Variants in MYL1 observed in about 807,000 individuals in gnomAD.
MYL1 encodes myosin light chain 1.
Under a neutral mutation model 21.8 loss-of-function variants are expected in MYL1, and 16 were observed. The observed-to-expected ratio is 0.74, with a 90% CI of 0.50 to 1.12. The LOEUF (loss-of-function observed/expected upper bound fraction) is 1.12. Ranked by LOEUF, MYL1 falls within the 50% of genes most tolerant of loss-of-function variation. The pLI is 0.00. For missense variants in MYL1, 246 were observed against 241.0 expected (o/e 1.02, Z -0.14); for synonymous variants, 99 against 85.2 (o/e 1.16, Z -0.89).
chr2:210,308,461 T>C (rs995343942), intron 1 of MYL1, among the ~76,000 whole-genome samples: 2 of 138,014 alleles, frequency 1.4e-5, no homozygotes, highest in Non-Finnish European at 3.1e-5. Context: ...TATAATATGG[T>C]ATAAACAGGG....
chr2:210,293,823 T>C (rs1432979052), intron 4 of MYL1, 23 bp from the exon 5 acceptor site: 4 of 1,609,658 alleles, frequency 2.5e-6, no homozygotes, highest in Non-Finnish European at 3.4e-6. Flanking sequence ...AACTCTCCTT[T>C]CAGAAAGAAG....
chr2:210,311,772 A>G (rs1344662391), intron 1 of MYL1, among the ~76,000 whole-genome samples: 1 of 152,052 alleles, frequency 6.6e-6, no homozygotes, highest in Non-Finnish European at 1.5e-5. Context: ...AATTCCTGTA[A>G]CTGTGATTCT....
In MYL1 at chr2:210,298,339, T is replaced by TACACACAC. The variant is rs112894708; in HGVS notation, c.304+73_304+80dup. 0.13 allele frequency: 153,894 copies of TACACACAC among 1,179,084 alleles called. 3,405 individuals are homozygous for TACACACAC. Among genetic ancestry groups the TACACACAC allele is most frequent in the Admixed American group, 0.24 (13,575 of 56,144 alleles). 73.0% of individuals were successfully genotyped at this position (1,179,084 alleles called of 1,614,324 possible). On this transcript the variant is annotated intron_variant, in intron 3 of 6. Transcript: ENST00000352451. ...ACACATACTACACACACACACATAC[T>TACACACAC]ACACACACACACACACACACACACA... is the stretch of plus-strand genomic sequence containing the variant.
chr2:210,295,725 G>A (rs2125739444), intron 3 of MYL1, among the ~76,000 whole-genome samples: 1 of 151,794 alleles, frequency 6.6e-6, no homozygotes, highest in Non-Finnish European at 1.5e-5. Context: ...ACTTTGGGAG[G>A]CTAAGGCAGG....
intron 1 of MYL1, among the ~76,000 whole-genome samples, chr2:210,307,641 T>C (rs1188175678): frequency 6.6e-6 from 1 of 152,212 alleles, no homozygotes; most frequent in Non-Finnish European, 1.5e-5. Context: ...GTAAACTAGT[T>C]ACATTCCACG....
intron 1 of MYL1, among the ~76,000 whole-genome samples, chr2:210,306,207 C>T (rs1690338993): frequency 6.6e-6 from 1 of 151,746 alleles, no homozygotes; most frequent in Non-Finnish European, 1.5e-5. Flanking sequence ...ATGGTGAAAC[C>T]CCACCTCTAC....
chr2:210,295,826 G>GAAAA (rs753119896), intron 3 of MYL1, among the ~76,000 whole-genome samples: 7 of 69,556 alleles, frequency 1.0e-4, no homozygotes, highest in African/African-American at 1.4e-4. Flanking sequence ...CCCTGCCTCA[G>GAAAA]AAAAAAAAAA....
chr2:210,294,450 G>T, intron 3 of MYL1, 32 bp from the exon 4 acceptor site: 1 of 1,597,912 alleles, frequency 6.3e-7, no homozygotes. Flanking sequence ...AGGGTTATTA[G>T]CTACCATAAT....
intron 5 of MYL1, among the ~76,000 whole-genome samples, chr2:210,292,398 T>A (rs1690091948): frequency 6.6e-6 from 1 of 152,218 alleles, no homozygotes; most frequent in South Asian, 2.1e-4. Context: ...ATTTGCTTTT[T>A]AAAAATTATT....
chr2:210,299,110 A>G (rs1042277850), intron 2 of MYL1, among the ~76,000 whole-genome samples: 4 of 152,178 alleles, frequency 2.6e-5, no homozygotes, highest in Non-Finnish European at 5.9e-5. Context: ...AGACAAATCT[A>G]TACATTCTAT....
At chr2:210,313,804 T>C (rs1283833762) in intron 1 of MYL1, among the ~76,000 whole-genome samples, 1 of 152,070 alleles carries the variant, frequency 6.6e-6, no homozygotes, top group African/African-American at 2.4e-5. Flanking sequence ...TATAGTTATA[T>C]TAAATGGTCA....
intron 1 of MYL1, among the ~76,000 whole-genome samples, chr2:210,306,719 A>G (rs960532753): frequency 1.1e-4 from 17 of 149,982 alleles, no homozygotes; most frequent in African/African-American, 3.4e-4. Context: ...CCTCTGGCAC[A>G]CTTTTTTTTT....
At chr2:210,291,768 C>T (rs1439347997) in intron 5 of MYL1, among the ~76,000 whole-genome samples, 1 of 143,568 alleles carries the variant, frequency 7.0e-6, no homozygotes, top group Non-Finnish European at 1.5e-5. Flanking sequence ...TGAAATTATA[C>T]TTTGATGGAC....
rs1306208658 is a variant in MYL1, at chr2:210,315,054, A to G, written c.-12T>C. On this transcript the variant is annotated 5_prime_UTR_variant, in exon 1 of 7. Transcript: ENST00000352451. ...TTCTTTGGTGCCATTTTTTTTTTTA[A>G]AAGGGTGGGTTAAAAAGAGAAGGAG... is the stretch of plus-strand genomic sequence containing the variant. 4 of 1,592,394 alleles carry G rather than the reference A, an allele frequency of 2.5e-6. No individual in the cohort carries two copies. The highest frequency in any genetic ancestry group is 2.6e-6 in the Non-Finnish European group (3 of 1,175,146).
intron 1 of MYL1, among the ~76,000 whole-genome samples, chr2:210,304,540 T>G (rs891159040): frequency 6.6e-6 from 1 of 152,144 alleles, no homozygotes; most frequent in Admixed American, 6.6e-5. Context: ...AAATTGTACT[T>G]TATTTTATTT....
chr2:210,307,280 G>T (rs62203007), intron 1 of MYL1, among the ~76,000 whole-genome samples: 1,591 of 152,190 alleles, frequency 0.01, 17 homozygotes, highest in Non-Finnish European at 0.018. Flanking sequence ...CACTTCCCTT[G>T]CCTTATTCTT....
chr2:210,313,423 C>A (rs1690445875), intron 1 of MYL1, among the ~76,000 whole-genome samples: 1 of 151,912 alleles, frequency 6.6e-6, no homozygotes, highest in Non-Finnish European at 1.5e-5. Flanking sequence ...GTAATGTAGA[C>A]AGTATGCATC....
chr2:210,293,655 C>G, intron 5 of MYL1, 68 bp downstream of exon 5: 1 of 1,339,996 alleles, frequency 7.5e-7, no homozygotes. Flanking sequence ...AAAAGAAGCT[C>G]AAAAGGAGCC....
At chr2:210,298,372 A>G in intron 3 of MYL1, 48 bp downstream of exon 3, 4 of 1,605,788 alleles carry the variant, frequency 2.5e-6, no homozygotes, top group Non-Finnish European at 3.4e-6. Flanking sequence ...ACACACTGCT[A>G]CACACTTCCC....
Sources: gnomAD v4.1 joint callset for allele counts (sites outside exome capture counted in the v4.1 genomes callset) on GRCh38, gnomAD v4.1.1 for gene constraint, MANE v1.5 for transcripts, NCBI Gene and HGNC (gene_info 2026-07-23, HGNC 2026-07-21) for gene names.